CACNA2D3: variants seen among roughly 807,000 people sequenced by gnomAD.
CACNA2D3 encodes voltage-dependent calcium channel subunit alpha-2/delta-3.
A neutral mutation model predicts 160.6 loss-of-function variants in CACNA2D3; 60 were observed. The observed-to-expected ratio is 0.37, with a 90% CI of 0.30 to 0.46. The LOEUF (loss-of-function observed/expected upper bound fraction) is 0.46, where lower values mean the gene tolerates loss of function less well. CACNA2D3 is among the 20% of genes least tolerant of loss of function. The pLI is 1.00. For missense variants in CACNA2D3, 1,205 were observed against 1,365.0 expected (o/e 0.88, Z 1.85); for synonymous variants, 558 against 492.9 (o/e 1.13, Z -1.75).
chr3:54,819,848 AACAC>A (rs150854721), intron 14 of CACNA2D3, among the ~76,000 whole-genome samples: 1 of 151,598 alleles, frequency 6.6e-6, no homozygotes, highest in South Asian at 2.1e-4. Flanking sequence ...CACCTCAAAA[AACAC>A]ACACACACAC....
intron 2 of CACNA2D3, among the ~76,000 whole-genome samples, chr3:54,212,871 C>T (rs1334453490): frequency 1.1e-4 from 17 of 152,106 alleles, no homozygotes; most frequent in Admixed American, 1.1e-3. Flanking sequence ...ACTGGGGATA[C>T]TGACAAGACC....
At chr3:55,073,641 T>TAGAG in intron 36 of CACNA2D3, 84 bp downstream of exon 36, 1 of 1,267,698 alleles carries the variant, frequency 7.9e-7, no homozygotes, top group Non-Finnish European at 1.1e-6. Flanking sequence ...GGAGAAATAT[T>TAGAG]AGAGAAGGAA....
At chr3:54,667,493 C>G (rs978357371) in intron 11 of CACNA2D3, among the ~76,000 whole-genome samples, 1 of 152,194 alleles carries the variant, frequency 6.6e-6, no homozygotes, top group Non-Finnish European at 1.5e-5. Context: ...CCTGTTCCAT[C>G]AGAGACAATA....
chr3:54,719,138 T>C lies in CACNA2D3; in HGVS notation c.1168-33461T>C, dbSNP rs894732642. On this transcript the variant is annotated intron_variant, in intron 11 of 37. Coordinates refer to ENST00000474759, the MANE Select transcript of CACNA2D3 (RefSeq NM_018398.3). ...CCAATCTATATACCTTTTATTTCTT[T>C]TTCTTACCAAGTTGCACTGGATTTC... 3.3e-5 allele frequency among the ~76,000 whole-genome samples: 5 copies of C among 151,160 alleles called. No homozygotes were observed. The East Asian group carries it at 9.7e-4, about 29-fold the overall frequency.
intron 31 of CACNA2D3, among the ~76,000 whole-genome samples, chr3:54,992,300 A>G (rs1702760073): frequency 1.3e-5 from 2 of 152,208 alleles, no homozygotes; most frequent in Admixed American, 1.3e-4. Flanking sequence ...GAAAATAATT[A>G]TTCATATACC....
chr3:54,446,813 C>T (rs774807396), intron 4 of CACNA2D3, among the ~76,000 whole-genome samples: 5 of 152,044 alleles, frequency 3.3e-5, no homozygotes, highest in Non-Finnish European at 5.9e-5. Context: ...TCCCTGGCCT[C>T]CCCTCCCTCC....
At chr3:55,042,760 C>T (rs1703983321) in intron 35 of CACNA2D3, among the ~76,000 whole-genome samples, 1 of 152,044 alleles carries the variant, frequency 6.6e-6, no homozygotes, top group Non-Finnish European at 1.5e-5. Flanking sequence ...GAAAATTCTC[C>T]TTAGGTGCAC....
intron 35 of CACNA2D3, among the ~76,000 whole-genome samples, chr3:55,067,720 C>G (rs1704695522): frequency 6.6e-6 from 1 of 150,580 alleles, no homozygotes. Context: ...GCATTAGATA[C>G]ATACATACAT....
intron 2 of CACNA2D3, among the ~76,000 whole-genome samples, chr3:54,222,817 G>GT (rs2107379915): frequency 1.3e-5 from 2 of 152,176 alleles, no homozygotes; most frequent in African/African-American, 4.8e-5. Context: ...CTCTGTTTGT[G>GT]TTTTTTATTT....
chr3:55,038,024 A>G (rs1308623362), intron 35 of CACNA2D3, among the ~76,000 whole-genome samples: 3 of 152,086 alleles, frequency 2.0e-5, no homozygotes, highest in Non-Finnish European at 4.4e-5. Context: ...GTATTTTCCT[A>G]ACAACTTATT....
In CACNA2D3 at chr3:54,224,662, G is replaced by A. The variant is rs916063218; in HGVS notation, c.205-95780G>A. Among the ~76,000 whole-genome samples, 3 of 152,070 alleles carry A rather than the reference G, an allele frequency of 2.0e-5. 1 individual carries two copies. In the South Asian group the frequency reaches 6.2e-4, roughly 32 times the overall value. On this transcript the variant is annotated intron_variant, in intron 2 of 37. Coordinates refer to ENST00000474759, the MANE Select transcript of CACNA2D3 (RefSeq NM_018398.3). Reference sequence around the variant, plus strand: ...ACCTTGGAACACTTTCACTTCTTTTGCCTCTCTCTTGTCTTTCGTGTTGTC... The same window carrying A: ...ACCTTGGAACACTTTCACTTCTTTTACCTCTCTCTTGTCTTTCGTGTTGTC...
chr3:54,684,174 G>A lies in CACNA2D3; in HGVS notation c.1167+41933G>A, dbSNP rs537858074. 6.6e-5 allele frequency among the ~76,000 whole-genome samples: 10 copies of A among 151,884 alleles called. No individual in the cohort carries two copies. In the East Asian group the frequency reaches 1.8e-3, roughly 27 times the overall value. On this transcript the variant is annotated intron_variant, in intron 11 of 37. Coordinates refer to ENST00000474759, the MANE Select transcript of CACNA2D3 (RefSeq NM_018398.3). ...GATGGTTTCACCATGTTGGCCAGGCGGGTCTTGAACTCCTGACCCATGTAA... is the reference window on the plus strand; with the variant it reads ...GATGGTTTCACCATGTTGGCCAGGCAGGTCTTGAACTCCTGACCCATGTAA...
intron 30 of CACNA2D3, among the ~76,000 whole-genome samples, chr3:54,987,392 G>A (rs1245712800): frequency 6.6e-6 from 1 of 152,130 alleles, no homozygotes; most frequent in Non-Finnish European, 1.5e-5. Context: ...CCATCCAAGG[G>A]TAGTGGGGTA....
At chr3:54,895,341 G>A (rs1364358867) in intron 25 of CACNA2D3, among the ~76,000 whole-genome samples, 1 of 152,150 alleles carries the variant, frequency 6.6e-6, no homozygotes, top group Non-Finnish European at 1.5e-5. Flanking sequence ...GAGGAGGAAG[G>A]TCCCAGACCT....
At chr3:54,621,261 A>C (rs1698982302) in intron 9 of CACNA2D3, among the ~76,000 whole-genome samples, 1 of 152,262 alleles carries the variant, frequency 6.6e-6, no homozygotes, top group Admixed American at 6.5e-5. Flanking sequence ...GATCACAGAG[A>C]GTCATCAGTA....
At chr3:54,265,353 A>G (rs1448416250) in intron 2 of CACNA2D3, among the ~76,000 whole-genome samples, 1 of 152,168 alleles carries the variant, frequency 6.6e-6, no homozygotes, top group Admixed American at 6.5e-5. Context: ...ACACATGGAC[A>G]CAGGGAGGGG....
chr3:54,370,683 C>T (rs1698911067), intron 3 of CACNA2D3, among the ~76,000 whole-genome samples: 1 of 152,068 alleles, frequency 6.6e-6, no homozygotes, highest in Non-Finnish European at 1.5e-5. Flanking sequence ...ACTAGAGACA[C>T]TTTTTTGGTA....
chr3:54,783,787 A>G (rs1393808594), intron 13 of CACNA2D3, among the ~76,000 whole-genome samples: 1 of 152,100 alleles, frequency 6.6e-6, no homozygotes, highest in Non-Finnish European at 1.5e-5. Flanking sequence ...CAGAAGGAAA[A>G]CTCAGCTCAT....
chr3:54,946,855 C>G (rs1275077481), intron 27 of CACNA2D3, among the ~76,000 whole-genome samples: 2 of 151,662 alleles, frequency 1.3e-5, no homozygotes, highest in Admixed American at 6.6e-5. Context: ...TAGTCCCTGA[C>G]TGAGAGTACT....
Sources: gnomAD v4.1 joint callset for allele counts (sites outside exome capture counted in the v4.1 genomes callset) on GRCh38, gnomAD v4.1.1 for gene constraint, MANE v1.5 for transcripts, NCBI Gene and HGNC (gene_info 2026-07-23, HGNC 2026-07-21) for gene names.